Variants in PLD5 observed in about 807,000 individuals in gnomAD.
The protein encoded by PLD5 is inactive phospholipase D5.
PLD5 carries 36 observed loss-of-function variants against 61.1 expected under a neutral mutation model. The observed-to-expected ratio is 0.59, with a 90% CI of 0.45 to 0.78. The LOEUF (loss-of-function observed/expected upper bound fraction) is 0.78, where lower values mean the gene tolerates loss of function less well. Among genes scored for constraint, PLD5 ranks in the 30% least tolerant of loss-of-function variants. The pLI is 0.00. For synonymous variants in PLD5, 243 were observed against 242.8 expected, an observed-to-expected ratio of 1.00 and a Z score of -0.01; for missense variants, 515 against 644.4, an observed-to-expected ratio of 0.80 and a Z score of 2.17.
chr1:242,287,675 T>A (rs1675105526), intron 3 of PLD5, among the ~76,000 whole-genome samples: 1 of 152,164 alleles, frequency 6.6e-6, no homozygotes, highest in Non-Finnish European at 1.5e-5. Flanking sequence ...TATATTTAGA[T>A]AGGGTAGCTT....
intron 9 of PLD5, among the ~76,000 whole-genome samples, chr1:242,095,308 C>T (rs1441832319): frequency 3.3e-5 from 5 of 152,184 alleles, no homozygotes; most frequent in Non-Finnish European, 1.5e-5. Context: ...TCTTGGCTTA[C>T]TGCAGCCTCT....
At chr1:242,372,016 C>T (rs993293898) in intron 1 of PLD5, among the ~76,000 whole-genome samples, 1 of 152,030 alleles carries the variant, frequency 6.6e-6, no homozygotes, top group Non-Finnish European at 1.5e-5. Context: ...TCCCTCCTAC[C>T]ACCCTCCCCA....
rs191757283 is a variant in PLD5 at position 242,385,088 on chromosome 1, C to T, written c.190-36846G>A. 7.2e-5 allele frequency among the ~76,000 whole-genome samples: 11 copies of T among 152,194 alleles called. No individual in the cohort carries two copies. The East Asian group carries it at 9.7e-4, about 13-fold the overall frequency. On this transcript the variant is annotated intron_variant, in intron 1 of 9. Coordinates refer to ENST00000536534, the MANE Select transcript of PLD5 (RefSeq NM_001372062.1). ...TCAGTTTAAAATCACCAACCAAATTCGGGACACTTTGAGTAGCAAAAGGAA... is the reference window on the plus strand; with the variant it reads ...TCAGTTTAAAATCACCAACCAAATTTGGGACACTTTGAGTAGCAAAAGGAA...
intron 5 of PLD5, among the ~76,000 whole-genome samples, chr1:242,196,371 A>G (rs1668636710): frequency 1.3e-5 from 2 of 152,018 alleles, no homozygotes; most frequent in Admixed American, 1.3e-4. Flanking sequence ...CCATTTTACA[A>G]CCGATACCCT....
chr1:242,309,968 C>T (rs898100268), intron 2 of PLD5, among the ~76,000 whole-genome samples: 2 of 150,968 alleles, frequency 1.3e-5, no homozygotes, highest in Non-Finnish European at 3.0e-5. Flanking sequence ...AAGTTTAAAT[C>T]AGGATAACAG....
upstream of PLD5, among the ~76,000 whole-genome samples, chr1:242,525,844 T>C (rs1243005136): frequency 6.6e-6 from 1 of 152,148 alleles, no homozygotes; most frequent in Non-Finnish European, 1.5e-5. Flanking sequence ...AAAAAAATGG[T>C]ATAGTAAAAA....
intron 1 of PLD5, among the ~76,000 whole-genome samples, chr1:242,444,726 A>AAATATCATAT (rs1558572537): frequency 1.6e-5 from 1 of 62,618 alleles, no homozygotes. Flanking sequence ...AAAATAATAT[A>AAATATCATAT]TATATTATTT....
intron 1 of PLD5, among the ~76,000 whole-genome samples, chr1:242,385,530 G>T (rs532458073): frequency 6.6e-6 from 1 of 152,068 alleles, no homozygotes; most frequent in African/African-American, 2.4e-5. Flanking sequence ...TGGGGCCTTC[G>T]CAGCCTCCAT....
At chr1:242,204,792 T>A (rs1192305148) in intron 5 of PLD5, among the ~76,000 whole-genome samples, 1 of 152,150 alleles carries the variant, frequency 6.6e-6, no homozygotes, top group East Asian at 1.9e-4. Flanking sequence ...CTGGGTCATA[T>A]AACGATTAAG....
intron 5 of PLD5, 103 bp downstream of exon 5, chr1:242,219,885 A>G: frequency 7.1e-7 from 1 of 1,399,822 alleles, no homozygotes; most frequent in Admixed American, 1.9e-5. Flanking sequence ...AAGAATAATA[A>G]ATGCTGTAGG....
chr1:242,392,306 C>T (rs1271571604), intron 1 of PLD5, among the ~76,000 whole-genome samples: 1 of 152,146 alleles, frequency 6.6e-6, no homozygotes, highest in Non-Finnish European at 1.5e-5. Flanking sequence ...TTATGGAGTA[C>T]TACGTTCACT....
At chr1:242,340,211 G>C (rs977351355) in intron 2 of PLD5, among the ~76,000 whole-genome samples, 3 of 152,108 alleles carry the variant, frequency 2.0e-5, no homozygotes. Context: ...AGGGCTCTAG[G>C]CTTTTACATT....
chr1:242,100,545 C>T, intron 9 of PLD5, 123 bp downstream of exon 9: 1 of 680,386 alleles, frequency 1.5e-6, no homozygotes, highest in Non-Finnish European at 2.6e-6. Context: ...CTCCATTTCC[C>T]CTCATTCACC....
Position 242,310,029 on chromosome 1 carries a change from T to A in PLD5, c.327-21499A>T, listed in dbSNP as rs1463526601. Among the ~76,000 whole-genome samples the A allele has an allele frequency of 2.1e-5, 3 of 139,632 alleles. 1 individual carries two copies. The highest frequency in any genetic ancestry group is 4.7e-5 in the Non-Finnish European group (3 of 63,438). The allele number at this position is 139,632 out of a possible 152,430, so 91.6% of individuals were successfully genotyped here. ...TTCACACTTAAATGCCAAAGCTTAC[T>A]TGGTTGCAGGATCAACAGGACCAAT... On this transcript the variant is annotated intron_variant, in intron 2 of 9. Transcript: ENST00000536534.
chr1:242,209,832 T>C (rs879376189), intron 5 of PLD5, among the ~76,000 whole-genome samples: 1 of 152,214 alleles, frequency 6.6e-6, no homozygotes, highest in Admixed American at 6.5e-5. Flanking sequence ...TCTCACTCTG[T>C]CGCCCAGGCT....
At chr1:242,344,119 C>A (rs1351543282) in intron 2 of PLD5, among the ~76,000 whole-genome samples, 1 of 152,170 alleles carries the variant, frequency 6.6e-6, no homozygotes, top group African/African-American at 2.4e-5. Context: ...CAATCGGCCC[C>A]AAATGGCCGG....
intron 1 of PLD5, among the ~76,000 whole-genome samples, chr1:242,504,323 G>C (rs1051394130): frequency 2.0e-5 from 3 of 152,202 alleles, no homozygotes; most frequent in Admixed American, 2.0e-4. Flanking sequence ...TTCAGTCCTG[G>C]GGCTTTCTTA....
intron 3 of PLD5, among the ~76,000 whole-genome samples, chr1:242,266,219 A>T (rs1444609556): frequency 6.6e-6 from 1 of 152,136 alleles, no homozygotes; most frequent in Non-Finnish European, 1.5e-5. Flanking sequence ...TGTTTCTACT[A>T]AAAATAGAAA....
intron 1 of PLD5, among the ~76,000 whole-genome samples, chr1:242,515,223 A>T (rs1368085785): frequency 3.3e-5 from 5 of 151,428 alleles, no homozygotes; most frequent in East Asian, 3.9e-4. Flanking sequence ...TGTGTGTGAG[A>T]GAGAGAGAGT....
Sources: allele counts gnomAD v4.1 joint callset (sites outside exome capture counted in the v4.1 genomes callset), GRCh38; gene constraint gnomAD v4.1.1; transcripts MANE v1.5; gene names NCBI Gene and HGNC (gene_info 2026-07-23, HGNC 2026-07-21).